The following AKAP9 variants were observed in gnomAD, a reference collection of about 807,000 sequenced individuals.
The protein encoded by AKAP9 is A-kinase anchor protein 9.
Under a neutral mutation model 488.5 loss-of-function variants are expected in AKAP9, and 311 were observed. The observed-to-expected ratio is 0.64, with a 90% CI of 0.58 to 0.70. AKAP9 has a LOEUF of 0.70. Among genes scored for constraint, AKAP9 ranks in the 30% least tolerant of loss-of-function variants. The pLI is 0.00. For missense variants in AKAP9, 4,215 were observed against 4,374.5 expected (o/e 0.96, Z 1.03); for synonymous variants, 1,462 against 1,483.5 (o/e 0.99, Z 0.33).
chr7:91,977,349 G>A lies in AKAP9; in HGVS notation c.307-2940G>A, dbSNP rs543863403. On this transcript the variant is annotated intron_variant, in intron 2 of 49. Coordinates refer to ENST00000356239, the MANE Select transcript of AKAP9 (RefSeq NM_005751.5). ...AGGCGGGCAGATCACGAGGTCAGGA[G>A]ATCGAGACCATCCTGGCTAACACGG... Among the ~76,000 whole-genome samples the A allele has an allele frequency of 2.1e-4, 32 of 152,308 alleles. No homozygotes were observed. In the South Asian group the frequency reaches 4.8e-3, roughly 23 times the overall value.
intron 1 of AKAP9, among the ~76,000 whole-genome samples, chr7:91,944,196 TA>T (rs1791137486): frequency 6.6e-6 from 1 of 151,980 alleles, no homozygotes; most frequent in African/African-American, 2.4e-5. Flanking sequence ...AATGCCAGGT[TA>T]AAAAGAAAAA....
intron 1 of AKAP9, among the ~76,000 whole-genome samples, chr7:91,967,713 T>C (rs2130539201): frequency 6.6e-6 from 1 of 152,304 alleles, no homozygotes; most frequent in Middle Eastern, 3.4e-3. Context: ...AGTATTTTGT[T>C]GAGGATTTTT....
At chr7:91,955,801 T>G (rs1792913950) in intron 1 of AKAP9, among the ~76,000 whole-genome samples, 1 of 152,086 alleles carries the variant, frequency 6.6e-6, no homozygotes, top group Non-Finnish European at 1.5e-5. Context: ...GCCCGGCTAA[T>G]TTTTGTATTT....
intron 2 of AKAP9, among the ~76,000 whole-genome samples, chr7:91,979,432 C>T (rs1330067797): frequency 6.6e-6 from 1 of 152,112 alleles, no homozygotes; most frequent in Non-Finnish European, 1.5e-5. Context: ...TTATCTCCCA[C>T]CAGGTCTCTC....
At chr7:91,982,010 T>G (rs1055715716) in intron 3 of AKAP9, among the ~76,000 whole-genome samples, 1 of 152,190 alleles carries the variant, frequency 6.6e-6, no homozygotes, top group Non-Finnish European at 1.5e-5. Context: ...CTCTTTACAC[T>G]AAAGTGAATA....
intron 22 of AKAP9, among the ~76,000 whole-genome samples, chr7:92,060,963 A>G (rs1420908237): frequency 6.6e-6 from 1 of 152,154 alleles, no homozygotes; most frequent in African/African-American, 2.4e-5. Context: ...ATCTTCTTTT[A>G]TATGATAAAG....
chr7:91,970,519 G>A (rs77404107), intron 1 of AKAP9: 2 of 455,618 alleles, frequency 4.4e-6, no homozygotes, highest in Non-Finnish European at 8.8e-6. Flanking sequence ...GTATGTGTTA[G>A]TGAATTCTCT....
At position 92,003,095 on chromosome 7, in the gene AKAP9, A is replaced by G; in HGVS notation, c.3178A>G (p.Thr1060Ala). The G allele has an allele frequency of 6.2e-7, 1 of 1,612,206 alleles. No individual in the cohort carries two copies. Among genetic ancestry groups the G allele is most frequent in the Non-Finnish European group, 8.5e-7 (1 of 1,179,126 alleles). ...VEDKVSFENM[T>A]VGEESKQEQL... The stretch of plus-strand genomic sequence containing the variant: ...AGATAAAGTTTCTTTTGAAAATATG[A>G]CTGTTGGAGAAGAAAGTAAGCAAGA... Residue 1060 changes from threonine (T) to alanine (A), a missense_variant, in exon 8 of 50, where the codon ACT becomes GCT. By Grantham distance (58) the Thr-to-Ala change is moderately conservative. This residue lies in a region of AKAP9 where 2,361 missense variants were observed against 2,430.0 expected (regional missense o/e 0.97). Transcript: ENST00000356239.
rs761276121 is a variant in AKAP9, at chr7:92,038,633, G to A, written c.4553G>A (p.Ser1518Asn). The A allele has an allele frequency of 7.4e-6, 12 of 1,613,540 alleles. No individual in the cohort carries two copies. The Admixed American group carries it at 1.8e-4, about 25-fold the overall frequency. Reference sequence around the variant, plus strand: ...TTTAAAGAAGAATTTAAACCACTTAGTAAAGAGTTAGGAGAACATGGAAAG... The same window carrying A: ...TTTAAAGAAGAATTTAAACCACTTAATAAAGAGTTAGGAGAACATGGAAAG... ...VKFKEEFKPL[S>N]KELGEHGKEI... is the part of the protein sequence containing the mutation. Residue 1518 changes from serine to asparagine, a missense_variant, in exon 17 of 50, where the codon AGT becomes AAT. Physicochemically the swap from Ser to Asn is conservative, Grantham distance 46 (BLOSUM62 1). Transcript: ENST00000356239.
chr7:92,018,427 CACACACACACACACAG>C lies in AKAP9; in HGVS notation c.3837+1327_3837+1342del, dbSNP rs1485504817. On this transcript the variant is annotated intron_variant, in intron 12 of 49. Coordinates refer to ENST00000356239, the MANE Select transcript of AKAP9 (RefSeq NM_005751.5). Reference sequence around the variant, plus strand: ...ACACACACACACACACACACACACACACACACACACACACAGAGAAATATTCAAAACTAAATGTTCT... The same window carrying C: ...ACACACACACACACACACACACACACAGAAATATTCAAAACTAAATGTTCT... Among the ~76,000 whole-genome samples, 19 of 136,672 alleles carry C rather than the reference CACACACACACACACAG, an allele frequency of 1.4e-4. 3 individuals are homozygous for C. Among genetic ancestry groups the C allele is most frequent in the African/African-American group, 3.6e-4 (13 of 36,174 alleles). The allele number at this position is 136,672 out of a possible 152,430, so 89.7% of individuals were successfully genotyped here. A position where few individuals can be genotyped will look rare whatever the true frequency, so the allele number is the denominator to read the frequency against.
chr7:92,030,936 A>C (rs556281938), intron 15 of AKAP9, among the ~76,000 whole-genome samples: 5 of 152,262 alleles, frequency 3.3e-5, no homozygotes, highest in Non-Finnish European at 5.9e-5. Flanking sequence ...TTCCTCGCTC[A>C]GTATACAGAG....
chr7:92,093,317 G>A lies in AKAP9; in HGVS notation c.9578+1G>A. ...ACCTAAAAGAATTGGAGGCTTTCAG[G>A]TGTGCCAGGCTTCCTTATTAAAAAC... On this transcript the variant is annotated splice_donor_variant, in intron 39 of 49. Transcript: ENST00000356239. LOFTEE classifies it high-confidence loss of function. 1.9e-6 allele frequency: 3 copies of A among 1,613,724 alleles called. No homozygotes were observed. The highest frequency in any genetic ancestry group is 2.5e-6 in the Non-Finnish European group (3 of 1,179,838).
Position 92,003,114 on chromosome 7 carries a change from A to T in AKAP9, c.3197A>T (p.Lys1066Met). ...AATATGACTGTTGGAGAAGAAAGTAAGCAAGAACAGTTGATTTTGGATCAC... is the reference window on the plus strand; with the variant it reads ...AATATGACTGTTGGAGAAGAAAGTATGCAAGAACAGTTGATTTTGGATCAC... Reference protein sequence around the residue: ...FENMTVGEESKQEQLILDHLP... With the variant: ...FENMTVGEESMQEQLILDHLP... The change falls in exon 8 of 50, where the codon AAG (lysine) becomes ATG (methionine). Residue 1066 changes from lysine (K) to methionine (M), a missense_variant. Around this residue, in one of 5 missense-constraint regions of AKAP9, gnomAD observed 2,361 missense variants for 2,430.0 expected, o/e 0.97. Transcript: ENST00000356239. The T allele has an allele frequency of 6.2e-7, 1 of 1,611,710 alleles. No homozygotes were observed. The highest frequency in any genetic ancestry group is 8.5e-7 in the Non-Finnish European group (1 of 1,178,754).
chr7:92,083,717 A>G, intron 33 of AKAP9, 62 bp downstream of exon 33: 2 of 1,544,248 alleles, frequency 1.3e-6, no homozygotes, highest in Admixed American at 1.8e-5. Context: ...AAAAAAAATC[A>G]GTTTAATTCA....
At chr7:92,095,210 C>T (rs2130896871) in intron 40 of AKAP9, 37 bp downstream of exon 40, 1 of 1,612,378 alleles carries the variant, frequency 6.2e-7, no homozygotes, top group East Asian at 2.2e-5. Flanking sequence ...CTGGAAAATC[C>T]AGAATGATAG....
intron 1 of AKAP9, among the ~76,000 whole-genome samples, chr7:91,956,918 C>T (rs1243415275): frequency 6.6e-6 from 1 of 152,072 alleles, no homozygotes; most frequent in Non-Finnish European, 1.5e-5. Context: ...AAAAGTAGTG[C>T]CTCTCTTTAT....
At chr7:92,062,145 CAAGACTTTT>C in intron 23 of AKAP9, 120 bp from the exon 24 acceptor site, 1 of 797,904 alleles carries the variant, frequency 1.3e-6, no homozygotes. Context: ...CAAATTCATT[CAAGACTTTT>C]AATAGGTTGG....
At chr7:91,980,603 T>C (rs947480409) in intron 3 of AKAP9, among the ~76,000 whole-genome samples, 1 of 150,688 alleles carries the variant, frequency 6.6e-6, no homozygotes, top group Admixed American at 6.6e-5. Context: ...TTGGGTTTCT[T>C]AGACATGTGA....
At chr7:92,084,307 C>T (rs374548097) in intron 33 of AKAP9, among the ~76,000 whole-genome samples, 3 of 152,084 alleles carry the variant, frequency 2.0e-5, no homozygotes, top group South Asian at 2.1e-4. Context: ...TCCTTATGAT[C>T]GCAATTTTAA....
Sources: allele counts gnomAD v4.1 joint callset (sites outside exome capture counted in the v4.1 genomes callset), GRCh38; gene constraint gnomAD v4.1.1; regional missense constraint gnomAD v4.1.1; transcripts MANE v1.5; gene names NCBI Gene and HGNC (gene_info 2026-07-23, HGNC 2026-07-21).